FRMD4B: variants seen among roughly 807,000 people sequenced by gnomAD.
The protein encoded by FRMD4B is FERM domain containing 4B.
FRMD4B carries 74 observed loss-of-function variants against 141.5 expected under a neutral mutation model. The observed-to-expected ratio is 0.52, with a 90% confidence interval of 0.43 to 0.63. FRMD4B has a LOEUF of 0.63. FRMD4B is among the 30% of genes least tolerant of loss of function. FRMD4B has a pLI of 0.00. For synonymous variants in FRMD4B, 506 were observed against 467.9 expected, an observed-to-expected ratio of 1.08 and a Z score of -1.05; for missense variants, 1,366 against 1,253.4, an observed-to-expected ratio of 1.09 and a Z score of -1.36.
intron 11 of FRMD4B, chr3:69,200,779 T>C: frequency 1.2e-6 from 1 of 816,966 alleles, no homozygotes; most frequent in Non-Finnish European, 1.8e-6. Context: ...CGGAGGCTGT[T>C]TTAGGAAGAC....
intron 1 of FRMD4B, among the ~76,000 whole-genome samples, chr3:69,449,982 G>T (rs558434925): frequency 5.3e-5 from 8 of 152,210 alleles, no homozygotes; most frequent in East Asian, 3.9e-4. Flanking sequence ...GGGCATGGAA[G>T]TTACTTTACC....
At chr3:69,432,834 G>A (rs1028880693) in intron 1 of FRMD4B, 2 of 152,182 alleles carry the variant, frequency 1.3e-5, no homozygotes, top group African/African-American at 4.8e-5. Flanking sequence ...TCAAGTCAGT[G>A]ACACTTCTAA....
chr3:69,250,128 A>G, intron 5 of FRMD4B, 29 bp from the exon 6 acceptor site: 1 of 1,490,604 alleles, frequency 6.7e-7, no homozygotes, highest in Non-Finnish European at 9.4e-7. Flanking sequence ...AGCATCATTG[A>G]ACATGGGGCT....
intron 2 of FRMD4B, among the ~76,000 whole-genome samples, chr3:69,410,871 A>C (rs1431242728): frequency 6.6e-6 from 1 of 151,074 alleles, no homozygotes; most frequent in East Asian, 1.9e-4. Context: ...GAATCCTCCC[A>C]TCTCAGGTCT....
At chr3:69,224,993 T>C (rs1190782636) in intron 7 of FRMD4B, among the ~76,000 whole-genome samples, 3 of 152,214 alleles carry the variant, frequency 2.0e-5, no homozygotes, top group Non-Finnish European at 2.9e-5. Flanking sequence ...CCACTTTCTC[T>C]ATGTTCCTAC....
intron 1 of FRMD4B, among the ~76,000 whole-genome samples, chr3:69,355,746 C>T (rs563013221): frequency 4.9e-4 from 74 of 152,158 alleles, no homozygotes; most frequent in African/African-American, 1.6e-3. Flanking sequence ...ATTAGGAGGC[C>T]GGGCACAGTG....
At chr3:69,469,641 A>C (rs1277980122) in intron 1 of FRMD4B, among the ~76,000 whole-genome samples, 6 of 152,226 alleles carry the variant, frequency 3.9e-5, no homozygotes, top group African/African-American at 1.4e-4. Flanking sequence ...CCAGAATCCC[A>C]TAGCAAGCCC....
At chr3:69,326,945 A>G (rs1447062542) in intron 1 of FRMD4B, among the ~76,000 whole-genome samples, 4 of 152,208 alleles carry the variant, frequency 2.6e-5, no homozygotes, top group African/African-American at 9.7e-5. Flanking sequence ...ACGTCATGGT[A>G]CAGTATCAAT....
At chr3:69,262,505 G>A (rs112984456) in intron 5 of FRMD4B, among the ~76,000 whole-genome samples, 110 of 52,650 alleles carry the variant, frequency 2.1e-3, no homozygotes, top group African/African-American at 7.8e-3. Context: ...TTTCGCTTTT[G>A]TCCAGGCTGG....
At chr3:69,185,756 T>C (rs746200269) in intron 19 of FRMD4B, among the ~76,000 whole-genome samples, 3 of 152,144 alleles carry the variant, frequency 2.0e-5, no homozygotes, top group Non-Finnish European at 4.4e-5. Flanking sequence ...AAGTACTCAA[T>C]AGCGGCCAGT....
chr3:69,535,272 C>A (rs1307160139), intron 1 of FRMD4B, among the ~76,000 whole-genome samples: 1 of 152,172 alleles, frequency 6.6e-6, no homozygotes, highest in Non-Finnish European at 1.5e-5. Context: ...GCAGACTTTG[C>A]CAACTCAACA....
Position 69,385,939 on chromosome 3 carries a change from G to C in FRMD4B, c.51C>G (p.Ser17Arg). 1.7e-5 allele frequency: 28 copies of C among 1,604,664 alleles called. No homozygotes were observed. The highest frequency in any genetic ancestry group is 2.3e-5 in the Non-Finnish European group (27 of 1,176,164). The stretch of plus-strand genomic sequence containing the variant: ...ACACGGTCAAGTTCCATACGAAGCG[G>C]CTGCCGCTGAACAGCAGGTCCTCCA... ...CGVEDLLFSG[S>R]RFVWNLTVST... is the part of the protein sequence containing the mutation. The change falls in exon 1 of 23, where the codon AGC becomes AGG. Residue 17 changes from serine to arginine, a missense_variant. Coordinates refer to ENST00000398540, the MANE Select transcript of FRMD4B (RefSeq NM_015123.3).
intron 13 of FRMD4B, 123 bp from the exon 14 acceptor site, chr3:69,196,519 A>G (rs1427277433): frequency 2.6e-6 from 2 of 764,164 alleles, no homozygotes; most frequent in Non-Finnish European, 2.1e-6. Context: ...CACATATTCA[A>G]GTGGCATTCT....
At chr3:69,200,352 A>C (rs771978502) in intron 11 of FRMD4B, 256 of 842,680 alleles carry the variant, frequency 3.0e-4, no homozygotes, top group Middle Eastern at 1.2e-3. Context: ...AGAATTAATA[A>C]AAGTATAAAG....
chr3:69,377,035 C>T (rs1363043702), intron 1 of FRMD4B: 2 of 151,894 alleles, frequency 1.3e-5, no homozygotes, highest in African/African-American at 4.8e-5. Flanking sequence ...AACAAAGGTT[C>T]AAAAATGCTT....
chr3:69,279,896 A>G (rs1337191725), intron 5 of FRMD4B, among the ~76,000 whole-genome samples: 6 of 151,230 alleles, frequency 4.0e-5, no homozygotes, highest in Non-Finnish European at 8.8e-5. Flanking sequence ...GCTTTTCCAC[A>G]TTTTCTGTCT....
intron 5 of FRMD4B, among the ~76,000 whole-genome samples, chr3:69,253,475 T>C (rs1318917159): frequency 6.6e-6 from 1 of 152,092 alleles, no homozygotes. Context: ...ACTCTCAAAG[T>C]AGAGTGGGAA....
At chr3:69,282,785 C>G (rs2093650040) in intron 5 of FRMD4B, among the ~76,000 whole-genome samples, 1 of 151,976 alleles carries the variant, frequency 6.6e-6, no homozygotes, top group Non-Finnish European at 1.5e-5. Context: ...TTACAGGCGC[C>G]CACCACCACA....
intron 2 of FRMD4B, among the ~76,000 whole-genome samples, chr3:69,311,855 C>T (rs1048514247): frequency 6.6e-6 from 1 of 151,994 alleles, no homozygotes; most frequent in Non-Finnish European, 1.5e-5. Context: ...ATTTATTATG[C>T]TGAACTTATA....
Sources: allele counts gnomAD v4.1 joint callset (sites outside exome capture counted in the v4.1 genomes callset), GRCh38; gene constraint gnomAD v4.1.1; transcripts MANE v1.5; gene names NCBI Gene and HGNC (gene_info 2026-07-23, HGNC 2026-07-21).